The following NRXN3 variants were observed in gnomAD, a reference collection of about 807,000 sequenced individuals.
NRXN3 encodes the protein neurexin 3, also known as neurexin III.
NRXN3 carries 32 observed loss-of-function variants against 137.6 expected under a neutral mutation model. The ratio of observed to expected loss-of-function variants is 0.23; its 90% CI spans 0.18 to 0.31. The LOEUF is 0.31. Ranked by LOEUF, NRXN3 falls within the 10% of genes least tolerant of loss-of-function variation. The pLI, the probability that NRXN3 is intolerant of heterozygous loss-of-function variation, is 1.00. For missense variants in NRXN3, 1,574 were observed against 2,062.5 expected (o/e 0.76, Z 4.59); for synonymous variants, 798 against 784.5 (o/e 1.02, Z -0.29).
intron 15 of NRXN3, among the ~76,000 whole-genome samples, chr14:79,358,128 G>T (rs1275847115): frequency 6.6e-6 from 1 of 152,158 alleles, no homozygotes; most frequent in African/African-American, 2.4e-5. Flanking sequence ...ACAGGCTCCT[G>T]GGTGGTGAAT....
chr14:79,081,614 T>G (rs2047020350), intron 15 of NRXN3, among the ~76,000 whole-genome samples: 1 of 33,002 alleles, frequency 3.0e-5, no homozygotes, highest in Non-Finnish European at 7.8e-5. Flanking sequence ...AGACTTTATC[T>G]CAAAAAAAAA....
chr14:79,650,811 A>T (rs1434964922), intron 16 of NRXN3, among the ~76,000 whole-genome samples: 2 of 152,180 alleles, frequency 1.3e-5, no homozygotes, highest in Non-Finnish European at 2.9e-5. Flanking sequence ...ACATGTTAAA[A>T]TTCTGAATTT....
chr14:78,922,103 T>A (rs1217259072), intron 10 of NRXN3, among the ~76,000 whole-genome samples: 1 of 152,226 alleles, frequency 6.6e-6, no homozygotes, highest in African/African-American at 2.4e-5. Flanking sequence ...CCTTTCCATA[T>A]GACTACAGCA....
chr14:78,841,662 G>GT (rs1411681208), intron 10 of NRXN3, among the ~76,000 whole-genome samples: 7 of 151,108 alleles, frequency 4.6e-5, no homozygotes, highest in Admixed American at 4.6e-4. Context: ...TTGTTTTTTT[G>GT]TTTTTTCACT....
intron 4 of NRXN3, among the ~76,000 whole-genome samples, chr14:78,393,364 C>CAAGATGATATCTGATATCATCAA (rs1365091031): frequency 3.3e-5 from 5 of 152,038 alleles, no homozygotes; most frequent in Non-Finnish European, 7.4e-5. Context: ...CTGATATCAT[C>CAAGATGATATCTGATATCATCAA]AAGATACAGA....
At chr14:78,324,663 C>G (rs2079827471) in intron 4 of NRXN3, among the ~76,000 whole-genome samples, 1 of 152,012 alleles carries the variant, frequency 6.6e-6, no homozygotes, top group Admixed American at 6.5e-5. Flanking sequence ...TACAGAAAAG[C>G]AAATCACAGT....
chr14:78,970,063 C>A (rs2099431467), intron 14 of NRXN3, among the ~76,000 whole-genome samples: 1 of 152,050 alleles, frequency 6.6e-6, no homozygotes, highest in South Asian at 2.1e-4. Context: ...GCAGTAATTC[C>A]ATTTATCCTG....
At chr14:78,668,894 A>G (rs1360294915) in intron 6 of NRXN3, among the ~76,000 whole-genome samples, 1 of 152,062 alleles carries the variant, frequency 6.6e-6, no homozygotes, top group Non-Finnish European at 1.5e-5. Context: ...GCAAAACTTG[A>G]TAATTATAAT....
chr14:79,112,531 C>T lies in NRXN3; in HGVS notation c.3262+124390C>T, dbSNP rs368915436. The stretch of plus-strand genomic sequence containing the variant: ...AACTTTGAATGAATAAACTAGGACA[C>T]GGGATTAATGTAAAGAACTGGCATC... On this transcript the variant is annotated intron_variant, in intron 15 of 20. Transcript: ENST00000335750. 7.9e-5 allele frequency among the ~76,000 whole-genome samples: 12 copies of T among 152,226 alleles called. 1 individual carries two copies. The highest frequency in any genetic ancestry group is 2.2e-4 in the African/African-American group (9 of 41,538).
intron 10 of NRXN3, among the ~76,000 whole-genome samples, chr14:78,936,946 C>T (rs1031080293): frequency 1.3e-5 from 2 of 152,030 alleles, no homozygotes; most frequent in African/African-American, 2.4e-5. Flanking sequence ...CTCTGTGGGG[C>T]AAAGTGGCTC....
chr14:78,652,116 C>T (rs1278967033), intron 6 of NRXN3, among the ~76,000 whole-genome samples: 1 of 152,216 alleles, frequency 6.6e-6, no homozygotes, highest in Admixed American at 6.5e-5. Flanking sequence ...GTTGTGTACC[C>T]TGTCTAAAAT....
chr14:78,952,625 C>T (rs1028561550), intron 10 of NRXN3, among the ~76,000 whole-genome samples: 6 of 152,156 alleles, frequency 3.9e-5, no homozygotes, highest in African/African-American at 1.4e-4. Context: ...CACAGTCCAT[C>T]ATTTTGAGCA....
intron 10 of NRXN3, among the ~76,000 whole-genome samples, chr14:78,865,321 G>T (rs2099083969): frequency 6.6e-6 from 1 of 152,210 alleles, no homozygotes; most frequent in African/African-American, 2.4e-5. Context: ...TCTGCAGGCA[G>T]ATAATGCAGT....
At chr14:78,615,048 G>A (rs1393978165) in intron 4 of NRXN3, 9 of 456,486 alleles carry the variant, frequency 2.0e-5, no homozygotes, top group African/African-American at 6.0e-5. Context: ...GATGCTCCTC[G>A]TATTTCCATG....
At position 79,358,660 on chromosome 14, in the gene NRXN3, A is replaced by AGAAAGAAAGAAG. The variant is rs1566903357; in HGVS notation, c.3263-108552_3263-108551insAAGGAAAGAAAG. Among the ~76,000 whole-genome samples, 10 of 150,900 alleles carry AGAAAGAAAGAAG rather than the reference A, an allele frequency of 6.6e-5. No homozygotes were observed. The East Asian group carries it at 1.4e-3, about 22-fold the overall frequency. On this transcript the variant is annotated intron_variant, in intron 15 of 20. Transcript: ENST00000335750. Reference sequence around the variant, plus strand: ...AAGAAAGAAAGAAAGAAAGAAAGAAAGAAAGAAAGTGTCCTAAAAGAAGTG... The same window carrying AGAAAGAAAGAAG: ...AAGAAAGAAAGAAAGAAAGAAAGAAAGAAAGAAAGAAGGAAAGAAAGTGTCCTAAAAGAAGTG...
chr14:79,136,771 A>T (rs1015832578), intron 15 of NRXN3, among the ~76,000 whole-genome samples: 1 of 152,248 alleles, frequency 6.6e-6, no homozygotes, highest in African/African-American at 2.4e-5. Context: ...GCAAGAATAG[A>T]AAAGGAATTC....
chr14:79,599,679 T>A (rs1453900147), intron 16 of NRXN3, among the ~76,000 whole-genome samples: 1 of 152,226 alleles, frequency 6.6e-6, no homozygotes, highest in African/African-American at 2.4e-5. Flanking sequence ...TATGTATATT[T>A]ACTTGGTTGA....
intron 4 of NRXN3, among the ~76,000 whole-genome samples, chr14:78,509,985 A>C: frequency 6.6e-6 from 1 of 151,478 alleles, no homozygotes; most frequent in Non-Finnish European, 1.5e-5. Flanking sequence ...TAGGGGAGGA[A>C]AAAAATGTTT....
At chr14:78,691,389 C>T (rs1174372465) in intron 6 of NRXN3, among the ~76,000 whole-genome samples, 1 of 152,076 alleles carries the variant, frequency 6.6e-6, no homozygotes, top group Non-Finnish European at 1.5e-5. Flanking sequence ...TCTAGCCAAA[C>T]AGCCCAGTGG....
Sources: allele counts gnomAD v4.1 joint callset (sites outside exome capture counted in the v4.1 genomes callset), GRCh38; gene constraint gnomAD v4.1.1; transcripts MANE v1.5; gene names NCBI Gene and HGNC (gene_info 2026-07-23, HGNC 2026-07-21).